Variants in FOXP1 observed in about 807,000 individuals in gnomAD.
FOXP1 encodes the protein forkhead box protein P1.
Under a neutral mutation model 98.2 loss-of-function variants are expected in FOXP1, and 15 were observed. That is an observed-to-expected ratio of 0.15 (90% CI 0.10 to 0.24). FOXP1 has a LOEUF of 0.24. Ranked by LOEUF, FOXP1 falls within the 10% of genes least tolerant of loss-of-function variation. The pLI, the probability that FOXP1 is intolerant of heterozygous loss-of-function variation, is 1.00. For missense variants in FOXP1, 633 were observed against 848.5 expected (o/e 0.75, Z 3.15); for synonymous variants, 371 against 314.5 (o/e 1.18, Z -1.90).
intron 3 of FOXP1, among the ~76,000 whole-genome samples, chr3:71,389,965 G>C (rs2080909969): frequency 6.6e-6 from 1 of 152,282 alleles, no homozygotes; most frequent in South Asian, 2.1e-4. Flanking sequence ...AGCTCAGGCT[G>C]CGGTTTCTTG....
intron 2 of FOXP1, among the ~76,000 whole-genome samples, chr3:71,498,677 C>A (rs2041095225): frequency 6.6e-6 from 1 of 152,182 alleles, no homozygotes; most frequent in Non-Finnish European, 1.5e-5. Context: ...AGCATGCCAA[C>A]AAAGGCCCTC....
chr3:71,190,497 C>T (rs1030122960), intron 6 of FOXP1, among the ~76,000 whole-genome samples: 1 of 151,232 alleles, frequency 6.6e-6, no homozygotes, highest in Non-Finnish European at 1.5e-5. Context: ...GCTGGCCTGC[C>T]GTCCCAGCAA....
At chr3:71,049,643 G>C (rs1368148392) in intron 9 of FOXP1, among the ~76,000 whole-genome samples, 1 of 152,044 alleles carries the variant, frequency 6.6e-6, no homozygotes, top group Non-Finnish European at 1.5e-5. Flanking sequence ...AAAAAAAGGG[G>C]GTGGGGGGAG....
chr3:71,069,314 T>C (rs887683660), intron 7 of FOXP1, among the ~76,000 whole-genome samples: 2 of 152,220 alleles, frequency 1.3e-5, no homozygotes, highest in Non-Finnish European at 2.9e-5. Flanking sequence ...TGATGAGCTA[T>C]GGAAAACATC....
At chr3:71,539,946 T>C (rs1014888680) in intron 2 of FOXP1, among the ~76,000 whole-genome samples, 1 of 152,230 alleles carries the variant, frequency 6.6e-6, no homozygotes, top group African/African-American at 2.4e-5. Flanking sequence ...TTGCTTATCC[T>C]GCACACCTAG....
intron 3 of FOXP1, among the ~76,000 whole-genome samples, chr3:71,463,036 T>A (rs1271018394): frequency 6.6e-6 from 1 of 152,160 alleles, no homozygotes; most frequent in African/African-American, 2.4e-5. Flanking sequence ...GGAAAGCCTC[T>A]CCTCTCTGTG....
chr3:71,233,081 G>A (rs887909926), intron 5 of FOXP1, among the ~76,000 whole-genome samples: 1 of 151,598 alleles, frequency 6.6e-6, no homozygotes, highest in African/African-American at 2.4e-5. Flanking sequence ...GGAGGTTGGG[G>A]CTGCAGTGAG....
intron 6 of FOXP1, among the ~76,000 whole-genome samples, chr3:71,189,652 C>T (rs1326192879): frequency 3.3e-5 from 5 of 152,206 alleles, no homozygotes; most frequent in Non-Finnish European, 7.3e-5. Flanking sequence ...CCTGACTCAT[C>T]ATTGGTAACT....
chr3:71,112,515 A>G (rs1266140950), intron 7 of FOXP1, 21 bp downstream of exon 7: 1 of 1,575,578 alleles, frequency 6.3e-7, no homozygotes. Context: ...ATGTCAATTT[A>G]AAAAGAAAAA....
At position 71,396,984 on chromosome 3, in the gene FOXP1, G is replaced by GTGTATA. The variant is rs1476663951; in HGVS notation, c.-167-37741_-167-37740insTATACA. Among the ~76,000 whole-genome samples, 45 of 20,820 alleles carry GTGTATA rather than the reference G, an allele frequency of 2.2e-3. 1 individual carries two copies. The highest frequency in any genetic ancestry group is 2.9e-3 in the Non-Finnish European group (24 of 8,152). 13.7% of individuals were successfully genotyped at this position (20,820 alleles called of 152,430 possible). ...TATATGTGTGTATATATATATATGT[G>GTGTATA]TATATATATACACATATATATGTGT... On this transcript the variant is annotated intron_variant, in intron 3 of 20. Transcript: ENST00000649528.
chr3:71,052,839 A>G (rs781617376), intron 8 of FOXP1, among the ~76,000 whole-genome samples: 3 of 152,206 alleles, frequency 2.0e-5, no homozygotes, highest in Non-Finnish European at 4.4e-5. Flanking sequence ...CTGATGAAAA[A>G]CATACCATTT....
chr3:71,544,021 A>ATATACACACATATATGTGTG (rs2045132650), intron 2 of FOXP1, among the ~76,000 whole-genome samples: 1 of 118,214 alleles, frequency 8.5e-6, no homozygotes, highest in African/African-American at 3.0e-5. Flanking sequence ...GTATACACAC[A>ATATACACACATATATGTGTG]TATACACACA....
At chr3:71,198,417 G>T (rs369338309) in intron 5 of FOXP1, 25 bp from the exon 6 acceptor site, 2 of 788,712 alleles carry the variant, frequency 2.5e-6, no homozygotes, top group Middle Eastern at 2.8e-4. Flanking sequence ...TCCAAGATGG[G>T]GGGAGGGAGG....
intron 5 of FOXP1, among the ~76,000 whole-genome samples, chr3:71,261,232 T>C (rs2107184242): frequency 6.6e-6 from 1 of 152,360 alleles, no homozygotes; most frequent in South Asian, 2.1e-4. Context: ...GTTTGGGCTA[T>C]ATTCTCTATT....
chr3:71,293,986 G>A (rs1015352130), intron 5 of FOXP1, among the ~76,000 whole-genome samples: 3 of 152,180 alleles, frequency 2.0e-5, no homozygotes, highest in African/African-American at 4.8e-5. Flanking sequence ...GATGAACCTT[G>A]AAAACATTTT....
intron 5 of FOXP1, among the ~76,000 whole-genome samples, chr3:71,224,590 C>T (rs921329272): frequency 1.3e-5 from 2 of 152,152 alleles, no homozygotes; most frequent in Non-Finnish European, 2.9e-5. Context: ...AGCAAAAAAC[C>T]AGTGAGACTG....
At chr3:71,092,905 C>G (rs1345874797) in intron 7 of FOXP1, among the ~76,000 whole-genome samples, 2 of 152,092 alleles carry the variant, frequency 1.3e-5, no homozygotes, top group Non-Finnish European at 2.9e-5. Context: ...TATGAAGACA[C>G]CACATTAAAA....
chr3:71,124,643 C>CA (rs551926974), intron 6 of FOXP1, among the ~76,000 whole-genome samples: 42,852 of 121,130 alleles, frequency 0.35, 6,612 homozygotes, highest in East Asian at 0.51. Context: ...AACTGTGTGT[C>CA]AAAAAAAAAA....
rs2032481548 is a variant in FOXP1, at chr3:70,958,744, A to T, written c.*503T>A. 1 of 192,036 alleles carries T rather than the reference A, an allele frequency of 5.2e-6. No homozygotes were observed. The highest frequency in any genetic ancestry group is 1.9e-4 in the South Asian group (1 of 5,372). The allele number at this position is 192,036 out of a possible 1,614,324, so 11.9% of individuals were successfully genotyped here. ...CCCCATCCCAACTGGAAGCAAAAAA[A>T]AAAAAAAAAAAAAAAAAAAAAAAGG... On this transcript the variant is annotated 3_prime_UTR_variant, in exon 21 of 21. Coordinates refer to ENST00000649528, the MANE Select transcript of FOXP1 (RefSeq NM_001349338.3).
Sources: gnomAD v4.1 joint callset for allele counts (sites outside exome capture counted in the v4.1 genomes callset) on GRCh38, gnomAD v4.1.1 for gene constraint, MANE v1.5 for transcripts, NCBI Gene and HGNC (gene_info 2026-07-23, HGNC 2026-07-21) for gene names.